The following LIN52 variants were observed in gnomAD, a reference collection of about 807,000 sequenced individuals.
LIN52 encodes protein lin-52 homolog.
Under a neutral mutation model 18.5 loss-of-function variants are expected in LIN52, and 4 were observed. The observed-to-expected ratio is 0.22, with a 90% CI of 0.11 to 0.49. The LOEUF is 0.49. LIN52 is among the 20% of genes least tolerant of loss of function. The pLI, the probability that LIN52 is intolerant of heterozygous loss-of-function variation, is 0.97. For missense variants in LIN52, 102 were observed against 139.5 expected, an observed-to-expected ratio of 0.73 and a Z score of 1.35; for synonymous variants, 34 against 45.5, an observed-to-expected ratio of 0.75 and a Z score of 1.02.
At chr14:74,184,913 C>T (rs1043967891) in intron 5 of LIN52, among the ~76,000 whole-genome samples, 1 of 151,966 alleles carries the variant, frequency 6.6e-6, no homozygotes, top group African/African-American at 2.4e-5. Flanking sequence ...GACCCTAGTA[C>T]ATCTTTTTTC....
intron 5 of LIN52, among the ~76,000 whole-genome samples, chr14:74,148,157 A>G (rs1054497098): frequency 2.0e-5 from 3 of 152,012 alleles, no homozygotes; most frequent in South Asian, 2.1e-4. Flanking sequence ...TTTATATTCC[A>G]CTTTCCTCAA....
intron 5 of LIN52, among the ~76,000 whole-genome samples, chr14:74,138,891 A>G (rs2139949911): frequency 6.6e-6 from 1 of 152,116 alleles, no homozygotes; most frequent in South Asian, 2.1e-4. Context: ...GTGCAACCAT[A>G]TATAACAGGA....
intron 5 of LIN52, among the ~76,000 whole-genome samples, chr14:74,179,917 G>C (rs2061310848): frequency 6.6e-6 from 1 of 152,156 alleles, no homozygotes; most frequent in Non-Finnish European, 1.5e-5. Flanking sequence ...GCATGAGTTA[G>C]AATCACCTGT....
chr14:74,101,707 G>A lies in LIN52; in HGVS notation c.283+469G>A, dbSNP rs1052798523. ...GATCTCCTGACCTCGTGATCCGCCC[G>A]CCTCGGCCTCCCAAAGTGCTGGGAT... On this transcript the variant is annotated intron_variant, in intron 5 of 5. Coordinates refer to ENST00000555028, the MANE Select transcript of LIN52 (RefSeq NM_001024674.3). 3.3e-5 allele frequency among the ~76,000 whole-genome samples: 5 copies of A among 152,158 alleles called. 1 individual carries two copies. The highest frequency in any genetic ancestry group is 4.1e-4 in the South Asian group (2 of 4,826).
chr14:74,094,612 A>C (rs2060795338), intron 2 of LIN52, among the ~76,000 whole-genome samples: 1 of 152,170 alleles, frequency 6.6e-6, no homozygotes, highest in African/African-American at 2.4e-5. Flanking sequence ...CCATGTACAC[A>C]TATCTTCATA....
At chr14:74,157,859 G>C (rs2061206443) in intron 5 of LIN52, among the ~76,000 whole-genome samples, 1 of 152,078 alleles carries the variant, frequency 6.6e-6, no homozygotes, top group African/African-American at 2.4e-5. Context: ...TGAGGCTCTG[G>C]GGATTTCCTA....
At chr14:74,150,816 T>C (rs2061173715) in intron 5 of LIN52, among the ~76,000 whole-genome samples, 1 of 152,108 alleles carries the variant, frequency 6.6e-6, no homozygotes, top group Admixed American at 6.6e-5. Context: ...AAAAAGGATA[T>C]TGAGCATCAG....
At chr14:74,183,754 T>C (rs1231930305) in intron 5 of LIN52, among the ~76,000 whole-genome samples, 4 of 152,192 alleles carry the variant, frequency 2.6e-5, no homozygotes, top group Non-Finnish European at 5.9e-5. Context: ...TATAATATTT[T>C]AAGGCAAATC....
At chr14:74,175,751 C>CACACACACACACA (rs778907221) in intron 5 of LIN52, among the ~76,000 whole-genome samples, 3 of 130,182 alleles carry the variant, frequency 2.3e-5, no homozygotes, top group African/African-American at 3.7e-5. Flanking sequence ...CACACACACA[C>CACACACACACACA]CCCCATTATA....
intron 5 of LIN52, among the ~76,000 whole-genome samples, chr14:74,107,339 C>T (rs989777813): frequency 6.6e-6 from 1 of 152,092 alleles, no homozygotes; most frequent in African/African-American, 2.4e-5. Flanking sequence ...TCCTTTATTC[C>T]TAAGGTTCAT....
intron 5 of LIN52, among the ~76,000 whole-genome samples, chr14:74,159,289 T>C (rs1231383582): frequency 6.6e-6 from 1 of 152,222 alleles, no homozygotes. Context: ...AATAGTGTCA[T>C]TGGCTTTATT....
chr14:74,140,986 C>A (rs2061127465), intron 5 of LIN52, among the ~76,000 whole-genome samples: 1 of 152,076 alleles, frequency 6.6e-6, no homozygotes, highest in South Asian at 2.1e-4. Flanking sequence ...AGGAACATTA[C>A]AATGATGTTA....
chr14:74,130,278 G>GATTTTTTTTTTTTTTTTTTTTTTTTTTT (rs2061054384), intron 5 of LIN52, among the ~76,000 whole-genome samples: 1 of 64,842 alleles, frequency 1.5e-5, no homozygotes, highest in African/African-American at 6.3e-5. Flanking sequence ...GCATTTTTTG[G>GATTTTTTTTTTTTTTTTTTTTTTTTTTT]TTTTTTTTTT....
intron 5 of LIN52, among the ~76,000 whole-genome samples, chr14:74,135,011 T>C (rs141493690): frequency 3.1e-4 from 47 of 152,324 alleles, no homozygotes; most frequent in African/African-American, 1.1e-3. Context: ...CCCTCAAGAA[T>C]TGAAACTATC....
intron 1 of LIN52, among the ~76,000 whole-genome samples, chr14:74,087,697 A>G (rs1349184088): frequency 2.0e-5 from 3 of 152,086 alleles, no homozygotes; most frequent in Non-Finnish European, 4.4e-5. Flanking sequence ...TTTAATTCAG[A>G]TAATATTTAT....
At chr14:74,148,424 A>G (rs2061162691) in intron 5 of LIN52, among the ~76,000 whole-genome samples, 1 of 152,192 alleles carries the variant, frequency 6.6e-6, no homozygotes, top group African/African-American at 2.4e-5. Context: ...AGACAAGGCA[A>G]ATGTATAAAA....
intron 5 of LIN52, among the ~76,000 whole-genome samples, chr14:74,106,312 C>G (rs569656712): frequency 1.3e-5 from 2 of 152,294 alleles, no homozygotes; most frequent in South Asian, 2.1e-4. Context: ...GTCTCTCATC[C>G]AGGCTGGAGT....
intron 5 of LIN52, among the ~76,000 whole-genome samples, chr14:74,178,074 C>T (rs561128170): frequency 3.9e-5 from 6 of 152,164 alleles, no homozygotes; most frequent in Non-Finnish European, 7.3e-5. Flanking sequence ...GCCACTGCAC[C>T]CGGCCTGTTG....
At position 74,159,194 on chromosome 14, in the gene LIN52, TTTTA is replaced by T. The variant is rs1274460934; in HGVS notation, c.284-39723_284-39720del. Among the ~76,000 whole-genome samples, 7 of 152,260 alleles carry T rather than the reference TTTTA, an allele frequency of 4.6e-5. No homozygotes were observed. In the East Asian group the frequency reaches 1.2e-3, roughly 25 times the overall value. On this transcript the variant is annotated intron_variant, in intron 5 of 5. Transcript: ENST00000555028. ...ATTATATTCAGTATAGAGTGTATCT[TTTTA>T]TTTAATTACAAGATTTAATACCAGA...
Sources: allele counts gnomAD v4.1 joint callset (sites outside exome capture counted in the v4.1 genomes callset), GRCh38; gene constraint gnomAD v4.1.1; transcripts MANE v1.5; gene names NCBI Gene and HGNC (gene_info 2026-07-23, HGNC 2026-07-21).